ENTREP1: variants seen among roughly 807,000 people sequenced by gnomAD.
ENTREP1 encodes the protein endosomal transmembrane epsin interactor 1, also known as Friedreich ataxia region gene X123.
the ENTREP1 span, among the ~76,000 whole-genome samples, chr9:69,376,230 A>C: frequency 6.6e-6 from 1 of 152,170 alleles, no homozygotes; most frequent in African/African-American, 2.4e-5. Flanking sequence ...CAAAACCTTT[A>C]AGTCGCACAC....
the ENTREP1 span, among the ~76,000 whole-genome samples, chr9:69,333,010 G>T: frequency 6.6e-6 from 1 of 152,180 alleles, no homozygotes; most frequent in African/African-American, 2.4e-5. Context: ...CAATGCACAT[G>T]AAGAGATTTC....
chr9:69,342,340 C>T, the ENTREP1 span, among the ~76,000 whole-genome samples: 3 of 152,210 alleles, frequency 2.0e-5, no homozygotes, highest in African/African-American at 7.2e-5. Flanking sequence ...GGGATTTGGG[C>T]TCCTAGTTCA....
the ENTREP1 span, chr9:69,383,854 C>A: frequency 1.3e-6 from 2 of 1,569,776 alleles, no homozygotes; most frequent in Non-Finnish European, 8.7e-7. Flanking sequence ...GCAGGGAGAC[C>A]GGGCCCCACA....
the ENTREP1 span, chr9:69,388,112 A>C: frequency 5.0e-6 from 8 of 1,613,668 alleles, no homozygotes; most frequent in Non-Finnish European, 5.9e-6. Flanking sequence ...GCATATGTTC[A>C]AAAGGGGTTG....
At chr9:69,340,677 GCA>G in the ENTREP1 span, among the ~76,000 whole-genome samples, 345 of 80,644 alleles carry the variant, frequency 4.3e-3, 13 homozygotes, top group East Asian at 0.068. Flanking sequence ...GTGTGTGTGT[GCA>G]TGCATGTGTG....
the ENTREP1 span, among the ~76,000 whole-genome samples, chr9:69,384,858 T>C: frequency 6.7e-6 from 1 of 149,292 alleles, no homozygotes; most frequent in African/African-American, 2.5e-5. Context: ...GAATTAATTA[T>C]GAAGCAGTGT....
At chr9:69,373,319 T>G in the ENTREP1 span, among the ~76,000 whole-genome samples, 2 of 152,128 alleles carry the variant, frequency 1.3e-5, no homozygotes, top group African/African-American at 2.4e-5. Flanking sequence ...AAATGAAACC[T>G]TTTTGGGCAA....
At chr9:69,385,917 G>A in the ENTREP1 span, 2 of 1,612,766 alleles carry the variant, frequency 1.2e-6, no homozygotes, top group Admixed American at 1.7e-5. Context: ...GTCGAAGAGT[G>A]ACCCTGTGCT....
the ENTREP1 span, among the ~76,000 whole-genome samples, chr9:69,336,804 C>T: frequency 6.6e-6 from 1 of 151,880 alleles, no homozygotes; most frequent in Non-Finnish European, 1.5e-5. Flanking sequence ...CTTTGCCTCC[C>T]GGGTTCAAGC....
At chr9:69,340,743 GTGTT>G in the ENTREP1 span, among the ~76,000 whole-genome samples, 7 of 135,732 alleles carry the variant, frequency 5.2e-5, no homozygotes, top group African/African-American at 8.7e-5. Context: ...GTATGTGTGT[GTGTT>G]TGTGTGTGTG....
chr9:69,349,650 C>T, the ENTREP1 span, among the ~76,000 whole-genome samples: 1 of 152,138 alleles, frequency 6.6e-6, no homozygotes, highest in Non-Finnish European at 1.5e-5. Flanking sequence ...AGGCTCCCCA[C>T]TTACAATGTG....
At chr9:69,328,900 C>G in the ENTREP1 span, among the ~76,000 whole-genome samples, 2 of 152,030 alleles carry the variant, frequency 1.3e-5, no homozygotes, top group South Asian at 4.2e-4. Flanking sequence ...TAGCCACCCA[C>G]TGATTAACCC....
the ENTREP1 span, among the ~76,000 whole-genome samples, chr9:69,373,367 A>G: frequency 6.6e-6 from 1 of 152,244 alleles, no homozygotes; most frequent in Admixed American, 6.5e-5. Context: ...CTCTGCCCAT[A>G]CCTGTCACCC....
At chr9:69,345,420 C>T in the ENTREP1 span, among the ~76,000 whole-genome samples, 13 of 152,140 alleles carry the variant, frequency 8.5e-5, no homozygotes, top group Middle Eastern at 6.3e-3. Flanking sequence ...TAATACTTTA[C>T]CTCTCTGAGA....
At chr9:69,328,176 G>A in the ENTREP1 span, among the ~76,000 whole-genome samples, 1 of 152,086 alleles carries the variant, frequency 6.6e-6, no homozygotes, top group Non-Finnish European at 1.5e-5. Flanking sequence ...TGTGTCTTCT[G>A]ATAAACTTCA....
At chr9:69,335,669 C>T in the ENTREP1 span, among the ~76,000 whole-genome samples, 1 of 152,174 alleles carries the variant, frequency 6.6e-6, no homozygotes, top group Admixed American at 6.5e-5. Flanking sequence ...AAGGATGCCA[C>T]CAGACATGCA....
the ENTREP1 span, chr9:69,388,093 C>G: frequency 6.2e-7 from 1 of 1,612,972 alleles, no homozygotes; most frequent in East Asian, 2.2e-5. Context: ...TCTGTGCTTT[C>G]AGGTACAGGC....
chr9:69,392,165 T>G, the ENTREP1 span: 53 of 279,724 alleles, frequency 1.9e-4, no homozygotes, highest in African/African-American at 1.1e-3. Context: ...GTTCTTTCCC[T>G]CTTGGAAGGA....
the ENTREP1 span, chr9:69,381,424 A>G: frequency 1.3e-5 from 2 of 152,122 alleles, no homozygotes; most frequent in African/African-American, 2.4e-5. Context: ...TTCAATCACC[A>G]TTATCCATTT....
Sources: gnomAD v4.1 joint callset for allele counts (sites outside exome capture counted in the v4.1 genomes callset) on GRCh38, gnomAD v4.1.1 for gene constraint, MANE v1.5 for transcripts, NCBI Gene and HGNC (gene_info 2026-07-23, HGNC 2026-07-21) for gene names.